The following MMP20 variants were observed in gnomAD, a reference collection of about 807,000 sequenced individuals.
MMP20 encodes the protein matrix metallopeptidase 20, also known as matrix metalloproteinase-20.
In MMP20, 50 loss-of-function variants were observed where a neutral mutation model predicts 51.8. That is an observed-to-expected ratio of 0.97 (90% CI 0.77 to 1.22). MMP20 has a LOEUF of 1.22. MMP20 is among the 50% of genes most tolerant of loss of function. MMP20 has a pLI of 0.00. For synonymous variants in MMP20, 244 were observed against 216.2 expected (o/e 1.13, Z -1.13); for missense variants, 663 against 601.4 (o/e 1.10, Z -1.07).
At chr11:102,596,139 C>T (rs1044445541) in intron 6 of MMP20, among the ~76,000 whole-genome samples, 2 of 152,140 alleles carry the variant, frequency 1.3e-5, no homozygotes, top group African/African-American at 4.8e-5. Context: ...GTGATTGGTG[C>T]TACGAAGAGT....
At chr11:102,587,497 T>C (rs143362314) in intron 8 of MMP20, among the ~76,000 whole-genome samples, 78 of 152,324 alleles carry the variant, frequency 5.1e-4, no homozygotes, top group African/African-American at 1.8e-3. Context: ...AGTCTTTTAT[T>C]CTTTGTTGAT....
Position 102,601,125 on chromosome 11 carries a change from CTTTTTTTT to C in MMP20, c.953+5402_953+5409del, listed in dbSNP as rs1168517234. On this transcript the variant is annotated intron_variant, in intron 6 of 9. Transcript: ENST00000260228. ...AAATGACCACGAAGTGTCGGCTATT[CTTTTTTTT>C]TTTTTTTTTTTTTTTTTGAGACGGA... is the stretch of plus-strand genomic sequence containing the variant. Among the ~76,000 whole-genome samples the C allele has an allele frequency of 1.0e-3, 29 of 28,266 alleles. 3 individuals carry two copies. The highest frequency in any genetic ancestry group is 4.1e-3 in the African/African-American group (24 of 5,852). The allele number at this position is 28,266 out of a possible 152,430, so 18.5% of individuals were successfully genotyped here.
chr11:102,582,740 A>G (rs1396679550), intron 8 of MMP20, among the ~76,000 whole-genome samples: 6 of 152,210 alleles, frequency 3.9e-5, no homozygotes, highest in Admixed American at 3.9e-4. Context: ...GAAGAATGTC[A>G]GGACACAAAA....
intron 1 of MMP20, among the ~76,000 whole-genome samples, chr11:102,619,779 T>C (rs943813046): frequency 1.3e-5 from 2 of 151,750 alleles, no homozygotes; most frequent in African/African-American, 4.8e-5. Context: ...GCTTTTACTT[T>C]TTTTTTTTTT....
chr11:102,605,007 C>T (rs368426932), intron 6 of MMP20, among the ~76,000 whole-genome samples: 1 of 152,158 alleles, frequency 6.6e-6, no homozygotes, highest in South Asian at 2.1e-4. Flanking sequence ...ATGCTGAAGC[C>T]TTTACCTTCA....
intron 4 of MMP20, among the ~76,000 whole-genome samples, chr11:102,609,529 C>G (rs557240682): frequency 2.6e-5 from 4 of 152,318 alleles, no homozygotes; most frequent in African/African-American, 7.2e-5. Context: ...ATTCTGGAAA[C>G]TTTATTCCCA....
chr11:102,577,832 A>C (rs1859143857), intron 9 of MMP20, among the ~76,000 whole-genome samples: 1 of 152,228 alleles, frequency 6.6e-6, no homozygotes, highest in Non-Finnish European at 1.5e-5. Context: ...TTTAATTCTC[A>C]GATCAGCTCT....
chr11:102,610,555 G>C (rs1859584960), intron 3 of MMP20, among the ~76,000 whole-genome samples: 1 of 152,080 alleles, frequency 6.6e-6, no homozygotes, highest in Non-Finnish European at 1.5e-5. Context: ...CTGTAATTTT[G>C]ACATACTTTC....
At chr11:102,592,636 C>G (rs1859330480) in intron 8 of MMP20, among the ~76,000 whole-genome samples, 2 of 152,222 alleles carry the variant, frequency 1.3e-5, no homozygotes, top group South Asian at 4.1e-4. Context: ...AAGACCCTTT[C>G]ATGAGCCTAA....
intron 8 of MMP20, among the ~76,000 whole-genome samples, chr11:102,581,549 C>G (rs149502145): frequency 6.6e-6 from 1 of 151,796 alleles, no homozygotes; most frequent in Admixed American, 6.6e-5. Flanking sequence ...ATGAAGATCA[C>G]GGGGATTTTT....
chr11:102,607,823 C>A (rs577152751), intron 5 of MMP20: 1 of 152,034 alleles, frequency 6.6e-6, no homozygotes, highest in Non-Finnish European at 1.5e-5. Context: ...CAGCCCTTCT[C>A]GGTGGCCCAC....
At chr11:102,612,039 C>T in intron 2 of MMP20, 136 bp from the exon 3 acceptor site, 1 of 856,764 alleles carries the variant, frequency 1.2e-6, no homozygotes, top group South Asian at 1.6e-5. Flanking sequence ...TCTTATTTTG[C>T]TTTATTATAT....
In MMP20 at chr11:102,612,015, T is replaced by C. The variant is rs1374048720; in HGVS notation, c.375-112A>G. The C allele has an allele frequency of 5.0e-6, 5 of 1,004,362 alleles. No homozygotes were observed. The Admixed American group carries it at 1.0e-4, about 21-fold the overall frequency. The allele number at this position is 1,004,362 out of a possible 1,614,324, so 62.2% of individuals were successfully genotyped here. ...TGTAAATCTACAATTTAGATTTTTC[T>C]CTGAAATAATAATTCTTATTTTGCT... On this transcript the variant is annotated intron_variant, in intron 2 of 9. Transcript: ENST00000260228.
At chr11:102,592,638 T>C (rs544058035) in intron 8 of MMP20, among the ~76,000 whole-genome samples, 2 of 152,360 alleles carry the variant, frequency 1.3e-5, no homozygotes, top group Admixed American at 1.3e-4. Context: ...GACCCTTTCA[T>C]GAGCCTAAGG....
intron 6 of MMP20, among the ~76,000 whole-genome samples, chr11:102,605,050 G>A (rs1042676833): frequency 1.3e-5 from 2 of 152,180 alleles, no homozygotes; most frequent in Admixed American, 6.5e-5. Context: ...AAGTAATTAG[G>A]GTTAGTGCTG....
At position 102,619,000 on chromosome 11, in the gene MMP20, A is replaced by T. The variant is rs543643997; in HGVS notation, c.127-1941T>A. 3.6e-4 allele frequency among the ~76,000 whole-genome samples: 55 copies of T among 152,142 alleles called. 1 individual carries two copies. Among genetic ancestry groups the T allele is most frequent in the Non-Finnish European group, 6.8e-4 (46 of 68,014 alleles). On this transcript the variant is annotated intron_variant, in intron 1 of 9. Coordinates refer to ENST00000260228, the MANE Select transcript of MMP20 (RefSeq NM_004771.4). ...ACCTTAGGTGAGATGAGAAGCCAAG[A>T]GGAGGAAAAGGGAGAGGGAACATGG...
At chr11:102,612,291 C>T (rs1375767281) in intron 2 of MMP20, among the ~76,000 whole-genome samples, 2 of 152,134 alleles carry the variant, frequency 1.3e-5, no homozygotes, top group African/African-American at 2.4e-5. Flanking sequence ...ATGGTGAAAC[C>T]CCATCTCTAC....
intron 2 of MMP20, among the ~76,000 whole-genome samples, chr11:102,612,938 T>C (rs911322873): frequency 6.6e-6 from 1 of 152,040 alleles, no homozygotes; most frequent in African/African-American, 2.4e-5. Context: ...GGTTTCACCA[T>C]GTTGGCCAGG....
intron 9 of MMP20, among the ~76,000 whole-genome samples, chr11:102,578,459 T>C (rs1859152049): frequency 6.6e-6 from 1 of 152,164 alleles, no homozygotes; most frequent in African/African-American, 2.4e-5. Context: ...ATTTTAAAGA[T>C]AGAAAAGGTA....
Sources: allele counts gnomAD v4.1 joint callset (sites outside exome capture counted in the v4.1 genomes callset), GRCh38; gene constraint gnomAD v4.1.1; transcripts MANE v1.5; gene names NCBI Gene and HGNC (gene_info 2026-07-23, HGNC 2026-07-21).